Variants in SERPINE2 observed in about 807,000 individuals in gnomAD.
The protein encoded by SERPINE2 is glia-derived nexin.
A neutral mutation model predicts 36.3 loss-of-function variants in SERPINE2; 14 were observed. That is an observed-to-expected ratio of 0.39 (90% CI 0.25 to 0.60). SERPINE2 has a LOEUF of 0.60. SERPINE2 is among the 20% of genes least tolerant of loss of function. The pLI, the probability that SERPINE2 is intolerant of heterozygous loss-of-function variation, is 0.57. For synonymous variants in SERPINE2, 192 were observed against 191.8 expected, an observed-to-expected ratio of 1.00 and a Z score of -0.01; for missense variants, 418 against 499.6, an observed-to-expected ratio of 0.84 and a Z score of 1.56.
chr2:224,005,078 T>G (rs1262726830), intron 1 of SERPINE2, among the ~76,000 whole-genome samples: 1 of 43,500 alleles, frequency 2.3e-5, no homozygotes, highest in Non-Finnish European at 8.2e-5. Flanking sequence ...TATATATATA[T>G]ATATATATAT....
chr2:224,023,559 C>T (rs1692083635), intron 1 of SERPINE2, among the ~76,000 whole-genome samples: 1 of 152,176 alleles, frequency 6.6e-6, no homozygotes, highest in Non-Finnish European at 1.5e-5. Context: ...AAATCAGCTT[C>T]CTAACACATT....
At chr2:224,004,924 C>A (rs990502830) in intron 1 of SERPINE2, among the ~76,000 whole-genome samples, 1 of 149,344 alleles carries the variant, frequency 6.7e-6, no homozygotes, top group Non-Finnish European at 1.5e-5. Flanking sequence ...AATTTGGATT[C>A]AGAAGACATG....
intron 1 of SERPINE2, among the ~76,000 whole-genome samples, chr2:224,005,357 G>C (rs1691384877): frequency 6.6e-6 from 1 of 152,032 alleles, no homozygotes; most frequent in Non-Finnish European, 1.5e-5. Context: ...CACTGGGACA[G>C]TGTTAGAGCT....
chr2:224,012,588 G>C lies in SERPINE2; in HGVS notation c.-22-10666C>G, dbSNP rs113122287. Among the ~76,000 whole-genome samples the C allele has an allele frequency of 7.1e-3, 776 of 109,110 alleles. 10 individuals are homozygous for C. Among genetic ancestry groups the C allele is most frequent in the African/African-American group, 0.023 (703 of 30,690 alleles). 71.6% of individuals were successfully genotyped at this position (109,110 alleles called of 152,430 possible). A position where few individuals can be genotyped will look rare whatever the true frequency, so the allele number is the denominator to read the frequency against. ...ACTGCACTCCAGTCTGGGCGACAGA[G>C]CGAGACTCCATCCCAAAAAAAAAAA... On this transcript the variant is annotated intron_variant, in intron 1 of 8. Transcript: ENST00000409304.
chr2:223,981,599 T>G (rs1690228898), intron 6 of SERPINE2: 1 of 152,222 alleles, frequency 6.6e-6, no homozygotes, highest in African/African-American at 2.4e-5. Flanking sequence ...TTTACTAGCA[T>G]GCAACTGAAG....
At chr2:223,983,223 A>G (rs1690289871) in intron 5 of SERPINE2, among the ~76,000 whole-genome samples, 1 of 152,198 alleles carries the variant, frequency 6.6e-6, no homozygotes, top group African/African-American at 2.4e-5. Flanking sequence ...GAGATGGTCA[A>G]AAGAGAGGAG....
At chr2:224,031,867 CA>C (rs1196651077) in intron 1 of SERPINE2, among the ~76,000 whole-genome samples, 3 of 148,900 alleles carry the variant, frequency 2.0e-5, no homozygotes, top group Non-Finnish European at 3.0e-5. Flanking sequence ...CCGGAGAGGA[CA>C]ACCACAATCA....
At chr2:223,989,011 A>T (rs1212027348) in intron 4 of SERPINE2, among the ~76,000 whole-genome samples, 1 of 152,226 alleles carries the variant, frequency 6.6e-6, no homozygotes, top group Non-Finnish European at 1.5e-5. Context: ...GACAAACTTG[A>T]TACTTAATAG....
At chr2:224,001,402 C>G (rs769369700) in intron 2 of SERPINE2, 2 of 472,812 alleles carry the variant, frequency 4.2e-6, no homozygotes, top group Non-Finnish European at 7.5e-6. Context: ...GAAAGGAGAC[C>G]TAGTGGCAGA....
intron 1 of SERPINE2, chr2:224,030,160 T>C (rs1692314241): frequency 2.0e-6 from 2 of 985,338 alleles, no homozygotes; most frequent in South Asian, 4.7e-5. Flanking sequence ...GGTTATTTCA[T>C]GCAACAGCCT....
intron 4 of SERPINE2, among the ~76,000 whole-genome samples, chr2:223,988,525 G>A (rs111981258): frequency 8.1e-4 from 124 of 152,246 alleles, no homozygotes; most frequent in African/African-American, 2.8e-3. Context: ...AAGTTAAGAC[G>A]TAATGTGAAC....
At chr2:224,005,780 T>G (rs1249274358) in intron 1 of SERPINE2, among the ~76,000 whole-genome samples, 1 of 152,186 alleles carries the variant, frequency 6.6e-6, no homozygotes, top group Non-Finnish European at 1.5e-5. Context: ...CCAAATGTAC[T>G]GCATAGCAAC....
intron 1 of SERPINE2, among the ~76,000 whole-genome samples, chr2:224,017,860 C>T (rs1299752480): frequency 2.0e-5 from 3 of 152,218 alleles, no homozygotes; most frequent in African/African-American, 7.2e-5. Context: ...TCTCTTCAGG[C>T]TTTGAAGGCC....
chr2:223,975,929 C>A (rs942865985), intron 8 of SERPINE2, 25 bp from the exon 9 acceptor site: 2 of 1,580,466 alleles, frequency 1.3e-6, no homozygotes, highest in South Asian at 1.2e-5. Context: ...GAAAACAATG[C>A]ATGACTCTGT....
At chr2:223,977,442 G>T (rs373490502) in intron 8 of SERPINE2, 102 bp downstream of exon 8, 11 of 772,448 alleles carry the variant, frequency 1.4e-5, no homozygotes, top group Non-Finnish European at 2.6e-5. Context: ...ATTGACATTA[G>T]GGAAATGGAC....
Position 224,014,641 on chromosome 2 carries a change from G to A in SERPINE2, c.-22-12719C>T, listed in dbSNP as rs180696316. On this transcript the variant is annotated intron_variant, in intron 1 of 8. Transcript: ENST00000409304. ...ACTCTTCAGTGTGGGGGCTGTCTTGGGTACTGCATAAGGAAACCCATATCC... is the reference window on the plus strand; with the variant it reads ...ACTCTTCAGTGTGGGGGCTGTCTTGAGTACTGCATAAGGAAACCCATATCC... Among the ~76,000 whole-genome samples the A allele has an allele frequency of 2.1e-3, 324 of 152,276 alleles. 1 individual carries two copies. The highest frequency in any genetic ancestry group is 3.7e-3 in the Non-Finnish European group (251 of 68,020).
intron 1 of SERPINE2, among the ~76,000 whole-genome samples, chr2:224,013,495 T>C (rs920333919): frequency 6.6e-6 from 1 of 152,066 alleles, no homozygotes; most frequent in Non-Finnish European, 1.5e-5. Flanking sequence ...GAAGCAGGGG[T>C]TTGGGCTCCG....
At chr2:224,010,328 A>G (rs750318948) in intron 1 of SERPINE2, 31 of 984,982 alleles carry the variant, frequency 3.1e-5, no homozygotes, top group Non-Finnish European at 3.7e-5. Context: ...GAACCTAAAA[A>G]TGTTTAGGAA....
chr2:224,005,335 T>C (rs1691384281), intron 1 of SERPINE2, among the ~76,000 whole-genome samples: 2 of 152,010 alleles, frequency 1.3e-5, no homozygotes, highest in South Asian at 4.1e-4. Context: ...TATGTACAGT[T>C]TCATAAAAGT....
Sources: allele counts gnomAD v4.1 joint callset (sites outside exome capture counted in the v4.1 genomes callset), GRCh38; gene constraint gnomAD v4.1.1; transcripts MANE v1.5; gene names NCBI Gene and HGNC (gene_info 2026-07-23, HGNC 2026-07-21).